The following RAD51B variants were observed in gnomAD, a reference collection of about 807,000 sequenced individuals.
RAD51B encodes DNA repair protein RAD51 homolog 2.
A neutral mutation model predicts 42.2 loss-of-function variants in RAD51B; 38 were observed. The ratio of observed to expected loss-of-function variants is 0.90; its 90% CI spans 0.70 to 1.18. RAD51B has a LOEUF of 1.18. Ranked by LOEUF, RAD51B falls within the 50% of genes most tolerant of loss-of-function variation. The pLI, the probability that RAD51B is intolerant of heterozygous loss-of-function variation, is 0.00. For synonymous variants in RAD51B, 154 were observed against 145.2 expected (o/e 1.06, Z -0.43); for missense variants, 373 against 400.7 (o/e 0.93, Z 0.59).
chr14:67,902,556 A>G (rs1382872579), intron 7 of RAD51B, among the ~76,000 whole-genome samples: 26 of 152,196 alleles, frequency 1.7e-4, no homozygotes, highest in Non-Finnish European at 2.9e-5. Flanking sequence ...GATTGTAACG[A>G]CATCTGGCTT....
downstream of RAD51B, among the ~76,000 whole-genome samples, chr14:68,481,660 T>G (rs1883191927): frequency 6.6e-6 from 1 of 152,236 alleles, no homozygotes; most frequent in Non-Finnish European, 1.5e-5. Flanking sequence ...GATGAGGAAC[T>G]GAAGCAGGAG....
chr14:67,940,874 G>A (rs2045178835), intron 7 of RAD51B, among the ~76,000 whole-genome samples: 1 of 152,066 alleles, frequency 6.6e-6, no homozygotes, highest in African/African-American at 2.4e-5. Flanking sequence ...TCTGGGAAAG[G>A]TTTTGACTCA....
intron 7 of RAD51B, among the ~76,000 whole-genome samples, chr14:68,037,272 G>A (rs1317283648): frequency 3.4e-5 from 5 of 145,686 alleles, no homozygotes; most frequent in Non-Finnish European, 7.5e-5. Context: ...ACCAGGTTGG[G>A]GTGCAGTGGC....
At chr14:68,553,840 AG>A (rs1888697515) in intron 10 of RAD51B, among the ~76,000 whole-genome samples, 1 of 152,172 alleles carries the variant, frequency 6.6e-6, no homozygotes, top group African/African-American at 2.4e-5. Flanking sequence ...CAAAATAATA[AG>A]ATTGCTATAA....
At chr14:68,499,764 C>G (rs746007388) in intron 10 of RAD51B, among the ~76,000 whole-genome samples, 1 of 152,116 alleles carries the variant, frequency 6.6e-6, no homozygotes, top group Non-Finnish European at 1.5e-5. Flanking sequence ...CCAAGGAACA[C>G]CTGGAGCCAC....
At chr14:68,172,802 A>G (rs2078897709) in intron 7 of RAD51B, among the ~76,000 whole-genome samples, 1 of 152,192 alleles carries the variant, frequency 6.6e-6, no homozygotes, top group Admixed American at 6.5e-5. Context: ...TATGAAAGAG[A>G]AATAAGACAC....
intron 4 of RAD51B, among the ~76,000 whole-genome samples, chr14:67,847,706 G>A (rs892155511): frequency 2.6e-5 from 4 of 152,142 alleles, no homozygotes; most frequent in African/African-American, 9.7e-5. Flanking sequence ...CAAACATGTG[G>A]TTGCTCTTAG....
chr14:68,203,208 A>G (rs1271259574), intron 7 of RAD51B, among the ~76,000 whole-genome samples: 1 of 152,200 alleles, frequency 6.6e-6, no homozygotes, highest in African/African-American at 2.4e-5. Flanking sequence ...ATAACCTTAC[A>G]AAAATTTATT....
chr14:68,468,442 T>C (rs1350052189), intron 10 of RAD51B, 192 bp downstream of exon 10: 12 of 733,168 alleles, frequency 1.6e-5, no homozygotes, highest in Non-Finnish European at 2.7e-5. Context: ...ACAGAGAAGA[T>C]TGAGGTAGGG....
At chr14:68,673,606 C>T (rs1329043917) in intron 11 of RAD51B, among the ~76,000 whole-genome samples, 1 of 54,034 alleles carries the variant, frequency 1.9e-5, no homozygotes, top group Non-Finnish European at 3.6e-5. Flanking sequence ...TGTACATGCA[C>T]ACACACACGT....
chr14:68,065,338 A>G (rs2076633094), intron 7 of RAD51B, among the ~76,000 whole-genome samples: 1 of 152,120 alleles, frequency 6.6e-6, no homozygotes, highest in Non-Finnish European at 1.5e-5. Flanking sequence ...TTGGTTGGTT[A>G]ATGCTCCAGG....
At chr14:67,954,289 T>G (rs1231893732) in intron 7 of RAD51B, among the ~76,000 whole-genome samples, 1 of 152,226 alleles carries the variant, frequency 6.6e-6, no homozygotes, top group Admixed American at 6.5e-5. Flanking sequence ...TAGGTAAGAT[T>G]CTTTGTGCTT....
At chr14:68,169,990 C>G (rs568440378) in intron 7 of RAD51B, among the ~76,000 whole-genome samples, 17 of 152,244 alleles carry the variant, frequency 1.1e-4, no homozygotes, top group African/African-American at 3.9e-4. Context: ...TGGAAAGAAC[C>G]ATTGAAACTC....
Position 68,107,569 on chromosome 14 carries a change from CT to C in RAD51B, c.757-184314del, listed in dbSNP as rs540581581. On this transcript the variant is annotated intron_variant, in intron 7 of 10. Coordinates refer to ENST00000471583, the MANE Select transcript of RAD51B (RefSeq NM_133510.4). ...AGACTCATATTTTCCAGTTTTAATA[CT>C]CAGTATAAAACTATAGTAATCCAAA... 9.2e-5 allele frequency among the ~76,000 whole-genome samples: 14 copies of C among 151,880 alleles called. No homozygotes were observed. In the South Asian group the frequency reaches 2.5e-3, roughly 27 times the overall value.
chr14:68,251,376 G>A (rs573654001), intron 7 of RAD51B, among the ~76,000 whole-genome samples: 2 of 152,252 alleles, frequency 1.3e-5, no homozygotes, highest in East Asian at 1.9e-4. Flanking sequence ...AGAGCCAAGC[G>A]TGTGTTTTTT....
Position 68,643,957 on chromosome 14 carries a change from G to A in RAD51B, c.1037-6824G>A, listed in dbSNP as rs541942338. 2.8e-4 allele frequency among the ~76,000 whole-genome samples: 42 copies of A among 152,250 alleles called. 1 individual carries two copies. Among genetic ancestry groups the A allele is most frequent in the Admixed American group, 4.6e-4 (7 of 15,290 alleles). ...TCTCTCAGATTCCGCTTTGGGCTTC[G>A]CCTTCCCCAGTAGCTGTCACCTGCC... On this transcript the variant is annotated intron_variant, in intron 10 of 11. Transcript: ENST00000488612.
Position 68,314,146 on chromosome 14 carries a change from G to A in RAD51B, c.853+22166G>A, listed in dbSNP as rs972823825. Reference sequence around the variant, plus strand: ...CATTCTCTCTTCAGAGAAGCATCTGGAAAGATTGATCCAAGAGTGCTGATA... The same window carrying A: ...CATTCTCTCTTCAGAGAAGCATCTGAAAAGATTGATCCAAGAGTGCTGATA... On this transcript the variant is annotated intron_variant, in intron 8 of 10. Coordinates refer to ENST00000471583, the MANE Select transcript of RAD51B (RefSeq NM_133510.4). Among the ~76,000 whole-genome samples the A allele has an allele frequency of 1.4e-4, 22 of 152,308 alleles. No individual in the cohort carries two copies. In the South Asian group the frequency reaches 1.9e-3, roughly 13 times the overall value.
intron 7 of RAD51B, among the ~76,000 whole-genome samples, chr14:67,945,922 C>T (rs979840303): frequency 6.6e-6 from 1 of 152,078 alleles, no homozygotes; most frequent in Non-Finnish European, 1.5e-5. Context: ...GTTTCATAAC[C>T]CTTAAAAGGT....
intron 10 of RAD51B, among the ~76,000 whole-genome samples, chr14:68,511,377 T>C (rs1045952739): frequency 6.6e-6 from 1 of 152,184 alleles, no homozygotes; most frequent in African/African-American, 2.4e-5. Context: ...GCCTCAGAGA[T>C]GATTTCTCAC....
Sources: allele counts gnomAD v4.1 joint callset (sites outside exome capture counted in the v4.1 genomes callset), GRCh38; gene constraint gnomAD v4.1.1; transcripts MANE v1.5; gene names NCBI Gene and HGNC (gene_info 2026-07-23, HGNC 2026-07-21).